CCNB3: variants seen among roughly 807,000 people sequenced by gnomAD.
CCNB3 encodes the protein cyclin B3.
A neutral mutation model predicts 68.0 loss-of-function variants in CCNB3; 12 were observed. The ratio of observed to expected loss-of-function variants is 0.18; its 90% CI spans 0.11 to 0.29. The LOEUF (loss-of-function observed/expected upper bound fraction) is 0.29. Ranked by LOEUF, CCNB3 falls within the 10% of genes least tolerant of loss-of-function variation. CCNB3 has a pLI of 1.00. For missense variants in CCNB3, 904 were observed against 993.1 expected (o/e 0.91, Z 1.21); for synonymous variants, 354 against 388.9 (o/e 0.91, Z 1.06).
chrX:50,307,036 A>T (rs1353329044), intron 5 of CCNB3, among the ~76,000 whole-genome samples: 1 of 111,811 alleles, frequency 8.9e-6, no homozygotes, highest in African/African-American at 3.2e-5. Flanking sequence ...AAGAACTGGT[A>T]TTAATTATTG....
At chrX:50,341,340 TAA>T (rs2147098760) in intron 8 of CCNB3, among the ~76,000 whole-genome samples, 1 of 101,360 alleles carries the variant, frequency 9.9e-6, no homozygotes, top group African/African-American at 3.7e-5. Flanking sequence ...AATAAATAAA[TAA>T]ATAAATAAAT....
At chrX:50,214,372 T>A (rs1438285822) in intron 1 of CCNB3, among the ~76,000 whole-genome samples, 2 of 99,262 alleles carry the variant, frequency 2.0e-5, no homozygotes, top group African/African-American at 7.1e-5. Context: ...TCTCTTCTTT[T>A]TCTAGTATTG....
At chrX:50,285,303 T>G in intron 3 of CCNB3, 44 bp downstream of exon 3, 35 of 997,291 alleles carry the variant, frequency 3.5e-5, no homozygotes, top group Non-Finnish European at 4.8e-5. Context: ...TGGTAGTCTC[T>G]TCCTGTGTTG....
rs1166159055 is a variant in CCNB3, at chrX:50,286,649, T to G, written c.96+1390T>G. On this transcript the variant is annotated intron_variant, in intron 3 of 12. Coordinates refer to ENST00000376042, the MANE Select transcript of CCNB3 (RefSeq NM_033031.3). ...TTTTTTTTGGTTGTTGTTGTTGTTGTTTGTTTGTTTGTTTTTTTTGAGACG... is the reference window on the plus strand; with the variant it reads ...TTTTTTTTGGTTGTTGTTGTTGTTGGTTGTTTGTTTGTTTTTTTTGAGACG... Among the ~76,000 whole-genome samples the G allele has an allele frequency of 6.5e-5, 6 of 92,521 alleles. No homozygotes were observed. The East Asian group carries it at 1.9e-3, about 29-fold the overall frequency. The allele number at this position is 92,521 out of a possible 115,157, so 80.3% of individuals were successfully genotyped here.
chrX:50,279,342 T>C (rs1486970010), intron 1 of CCNB3, among the ~76,000 whole-genome samples: 4 of 75,483 alleles, frequency 5.3e-5, no homozygotes, highest in East Asian at 7.8e-4. Context: ...TATGAATATA[T>C]ATATGAATAT....
At chrX:50,216,767 C>A (rs1024356472) in intron 1 of CCNB3, among the ~76,000 whole-genome samples, 2 of 110,501 alleles carry the variant, frequency 1.8e-5, no homozygotes, top group Non-Finnish European at 3.8e-5. Context: ...CATGAACATT[C>A]ACTATAATTC....
intron 1 of CCNB3, among the ~76,000 whole-genome samples, chrX:50,207,127 A>G (rs1469370582): frequency 4.5e-5 from 5 of 111,917 alleles, no homozygotes; most frequent in Non-Finnish European, 5.6e-5. Flanking sequence ...TTATTGATAC[A>G]TTTCCTTAAT....
At chrX:50,328,274 G>T (rs782797836) in intron 8 of CCNB3, among the ~76,000 whole-genome samples, 1 of 112,119 alleles carries the variant, frequency 8.9e-6, no homozygotes, top group African/African-American at 3.2e-5. Flanking sequence ...TTGAGACCGG[G>T]TAATGTATTT....
At chrX:50,297,579 G>A (rs1557211424) in intron 5 of CCNB3, among the ~76,000 whole-genome samples, 1 of 112,160 alleles carries the variant, frequency 8.9e-6, no homozygotes, top group Non-Finnish European at 1.9e-5. Context: ...CTCCAGCTTT[G>A]TTCTTTTGGC....
chrX:50,203,224 G>A (rs1437978002), upstream of CCNB3, among the ~76,000 whole-genome samples: 1 of 111,283 alleles, frequency 9.0e-6, no homozygotes, highest in Non-Finnish European at 1.9e-5. Context: ...ATACACTCTC[G>A]GTTTGCATTT....
intron 1 of CCNB3, among the ~76,000 whole-genome samples, chrX:50,280,094 T>C: frequency 1.2e-5 from 1 of 80,135 alleles, no homozygotes; most frequent in South Asian, 5.6e-4. Context: ...GGAATACATA[T>C]AAATATATAT....
At chrX:50,210,611 C>T in intron 1 of CCNB3, among the ~76,000 whole-genome samples, 1 of 111,034 alleles carries the variant, frequency 9.0e-6, no homozygotes, top group African/African-American at 3.3e-5. Flanking sequence ...AGAATATATT[C>T]ATTTACTTAG....
At position 50,227,879 on chromosome X, in the gene CCNB3, A is replaced by AT. The variant is rs1935931904; in HGVS notation, c.-113+22929_-113+22930insT. On this transcript the variant is annotated intron_variant, in intron 1 of 12. Transcript: ENST00000376042. ...ATATATGGAGAATATATAAATATAT[A>AT]GAGAGAAAATATATAAATATATAGA... Among the ~76,000 whole-genome samples the AT allele has an allele frequency of 4.4e-4, 38 of 85,478 alleles. 1 individual carries two copies. The highest frequency in any genetic ancestry group is 1.7e-3 in the African/African-American group (37 of 22,330). 74.2% of individuals were successfully genotyped at this position (85,478 alleles called of 115,157 possible).
intron 1 of CCNB3, among the ~76,000 whole-genome samples, chrX:50,226,220 A>ATAGAATATATATATTTATATATG (rs1935773585): frequency 1.4e-5 from 1 of 69,524 alleles, no homozygotes; most frequent in African/African-American, 6.2e-5. Flanking sequence ...ATTTATATAT[A>ATAGAATATATATATTTATATATG]TAGAATATAT....
intron 3 of CCNB3, among the ~76,000 whole-genome samples, chrX:50,286,828 T>C (rs368018743): frequency 2.9e-3 from 318 of 111,532 alleles, no homozygotes; most frequent in African/African-American, 9.6e-3. Context: ...TTTTGTATTT[T>C]TGATAGAGAC....
intron 4 of CCNB3, among the ~76,000 whole-genome samples, chrX:50,289,208 G>A (rs1248056951): frequency 9.0e-6 from 1 of 111,632 alleles, no homozygotes; most frequent in Non-Finnish European, 1.9e-5. Context: ...TATTTTAGTG[G>A]AATCATTGTA....
Position 50,295,147 on chromosome X carries a change from T to TA in CCNB3, c.335+161dup, listed in dbSNP as rs782728145. ...GGCTCAGCTGTGGTTGCTGAAGAGT[T>TA]AAAAAAAGCCTCTTCTGTCTCTCCT... is the stretch of plus-strand genomic sequence containing the variant. On this transcript the variant is annotated intron_variant, in intron 5 of 12. Transcript: ENST00000376042. Among the ~76,000 whole-genome samples the TA allele has an allele frequency of 2.0e-4, 22 of 111,430 alleles. No individual in the cohort carries two copies. In the East Asian group the frequency reaches 3.7e-3, roughly 19 times the overall value.
intron 8 of CCNB3, among the ~76,000 whole-genome samples, chrX:50,322,401 T>C (rs12012163): frequency 0.12 from 12,884 of 110,462 alleles, 1,895 homozygotes; most frequent in African/African-American, 0.41. Context: ...CCCTTCCTTA[T>C]ACCTTATACA....
chrX:50,279,481 A>G (rs2147009290), intron 1 of CCNB3, among the ~76,000 whole-genome samples: 1 of 82,969 alleles, frequency 1.2e-5, no homozygotes, highest in East Asian at 3.6e-4. Context: ...AATATATGAA[A>G]TATTCATATA....
Sources: gnomAD v4.1 joint callset for allele counts (sites outside exome capture counted in the v4.1 genomes callset) on GRCh38, gnomAD v4.1.1 for gene constraint, MANE v1.5 for transcripts, NCBI Gene and HGNC (gene_info 2026-07-23, HGNC 2026-07-21) for gene names.